RIC8B: variants seen among roughly 807,000 people sequenced by gnomAD.
RIC8B encodes the protein RIC8 guanine nucleotide exchange factor B.
In RIC8B, 16 loss-of-function variants were observed where a neutral mutation model predicts 57.5. The observed-to-expected ratio is 0.28, with a 90% CI of 0.19 to 0.42. The LOEUF (loss-of-function observed/expected upper bound fraction) is 0.42. Ranked by LOEUF, RIC8B falls within the 10% of genes least tolerant of loss-of-function variation. The pLI, the probability that RIC8B is intolerant of heterozygous loss-of-function variation, is 1.00. For synonymous variants in RIC8B, 216 were observed against 250.8 expected (o/e 0.86, Z 1.31); for missense variants, 481 against 677.0 (o/e 0.71, Z 3.21).
intron 9 of RIC8B, among the ~76,000 whole-genome samples, chr12:106,874,153 T>C (rs982276619): frequency 6.6e-6 from 1 of 152,214 alleles, no homozygotes. Context: ...GACTAGACCT[T>C]CATTTTCCAG....
rs527411093 is a variant in RIC8B, at chr12:106,802,657, A to G, written c.133-12039A>G. Among the ~76,000 whole-genome samples the G allele has an allele frequency of 2.7e-5, 4 of 150,294 alleles. No individual in the cohort carries two copies. The South Asian group carries it at 8.4e-4, about 32-fold the overall frequency. ...CTTCACTGGCCTGGTTTAGCCCAGAATTTCTTTTAATGTTAAGAACACTCA... is the reference window on the plus strand; with the variant it reads ...CTTCACTGGCCTGGTTTAGCCCAGAGTTTCTTTTAATGTTAAGAACACTCA... On this transcript the variant is annotated intron_variant, in intron 2 of 9. Coordinates refer to ENST00000392837, the MANE Select transcript of RIC8B (RefSeq NM_001330145.2).
intron 6 of RIC8B, among the ~76,000 whole-genome samples, chr12:106,845,428 C>T (rs927292508): frequency 4.6e-5 from 7 of 152,064 alleles, no homozygotes; most frequent in Non-Finnish European, 4.4e-5. Context: ...TTTATCTTTC[C>T]ACCATTGCAT....
chr12:106,812,784 A>G (rs1400374289), intron 2 of RIC8B, among the ~76,000 whole-genome samples: 2 of 152,196 alleles, frequency 1.3e-5, no homozygotes, highest in African/African-American at 2.4e-5. Flanking sequence ...ACTTTCCACT[A>G]TCCCCAAACT....
intron 2 of RIC8B, 87 bp from the exon 3 acceptor site, chr12:106,814,609 G>T: frequency 7.5e-7 from 1 of 1,337,692 alleles, no homozygotes; most frequent in Non-Finnish European, 1.0e-6. Flanking sequence ...ATTTTTAACT[G>T]TTGTTAAGTA....
intron 8 of RIC8B, among the ~76,000 whole-genome samples, chr12:106,868,700 C>T (rs1451212055): frequency 6.6e-6 from 1 of 151,254 alleles, no homozygotes; most frequent in Non-Finnish European, 1.5e-5. Context: ...GCCTTTTTCT[C>T]TTCTTTTAGG....
At chr12:106,781,490 A>G (rs1272101698) in intron 1 of RIC8B, among the ~76,000 whole-genome samples, 2 of 152,218 alleles carry the variant, frequency 1.3e-5, no homozygotes, top group South Asian at 2.1e-4. Flanking sequence ...GCCAACATCT[A>G]TTGGATCCAA....
intron 4 of RIC8B, among the ~76,000 whole-genome samples, chr12:106,828,821 GT>G (rs1454385863): frequency 6.6e-6 from 1 of 152,128 alleles, no homozygotes; most frequent in Admixed American, 6.5e-5. Flanking sequence ...TTGATACGCT[GT>G]TTAGGAACTT....
intron 7 of RIC8B, among the ~76,000 whole-genome samples, chr12:106,857,684 A>G (rs1246706441): frequency 3.4e-4 from 51 of 152,174 alleles, no homozygotes; most frequent in Admixed American, 3.3e-3. Context: ...TTGCACTAGC[A>G]GCTCACCTTA....
At chr12:106,828,753 A>G (rs1227972735) in intron 4 of RIC8B, among the ~76,000 whole-genome samples, 5 of 152,216 alleles carry the variant, frequency 3.3e-5, no homozygotes, top group African/African-American at 1.2e-4. Flanking sequence ...TGATAAACAT[A>G]CTGGATTTTA....
chr12:106,866,533 C>G (rs1046666255), intron 8 of RIC8B, among the ~76,000 whole-genome samples: 1 of 152,132 alleles, frequency 6.6e-6, no homozygotes, highest in Admixed American at 6.6e-5. Flanking sequence ...CCCCTTCTTT[C>G]CTGGTCTTGG....
intron 3 of RIC8B, among the ~76,000 whole-genome samples, chr12:106,816,081 CT>C (rs2045562529): frequency 6.6e-6 from 1 of 152,118 alleles, no homozygotes; most frequent in Admixed American, 6.5e-5. Flanking sequence ...TAGACATAAG[CT>C]TTTTTCCCTC....
intron 2 of RIC8B, among the ~76,000 whole-genome samples, chr12:106,808,926 C>A (rs2045194569): frequency 6.6e-6 from 1 of 151,958 alleles, no homozygotes; most frequent in South Asian, 2.1e-4. Flanking sequence ...TGCTTCATAG[C>A]CTATTTTGTT....
At chr12:106,784,133 G>T in intron 2 of RIC8B, 89 bp downstream of exon 2, 1 of 1,198,124 alleles carries the variant, frequency 8.3e-7, no homozygotes, top group Admixed American at 2.0e-5. Flanking sequence ...TTCATCTGAT[G>T]GTTATTGATT....
intron 2 of RIC8B, among the ~76,000 whole-genome samples, chr12:106,789,787 G>T (rs895230573): frequency 3.3e-5 from 5 of 152,074 alleles, no homozygotes; most frequent in Non-Finnish European, 7.4e-5. Context: ...TGTGTTTTTG[G>T]AGCTCTATGC....
At chr12:106,860,139 T>C (rs1949867419) in intron 7 of RIC8B, 129 bp from the exon 8 acceptor site, 1 of 810,138 alleles carries the variant, frequency 1.2e-6, no homozygotes, top group Non-Finnish European at 1.8e-6. Context: ...CTACCACATT[T>C]TGAAATTCTC....
chr12:106,833,372 T>C (rs1164971545), intron 4 of RIC8B, among the ~76,000 whole-genome samples: 2 of 152,016 alleles, frequency 1.3e-5, no homozygotes, highest in Non-Finnish European at 2.9e-5. Flanking sequence ...GAGGCTGAGG[T>C]GGGCAGATCA....
At chr12:106,835,627 G>A (rs902772955) in intron 4 of RIC8B, among the ~76,000 whole-genome samples, 11 of 152,296 alleles carry the variant, frequency 7.2e-5, no homozygotes, top group Admixed American at 5.9e-4. Context: ...ATGTTATGCT[G>A]CCTTCCCTTA....
intron 2 of RIC8B, among the ~76,000 whole-genome samples, chr12:106,794,846 T>A (rs1203807393): frequency 2.0e-5 from 3 of 152,226 alleles, no homozygotes; most frequent in Non-Finnish European, 4.4e-5. Flanking sequence ...AAAGAGTACC[T>A]GTAAAGCTAA....
intron 2 of RIC8B, among the ~76,000 whole-genome samples, chr12:106,814,143 T>G (rs2136283893): frequency 6.6e-6 from 1 of 152,288 alleles, no homozygotes; most frequent in South Asian, 2.1e-4. Context: ...GGGAACTTTT[T>G]TCTGTAGTTT....
Sources: allele counts gnomAD v4.1 joint callset (sites outside exome capture counted in the v4.1 genomes callset), GRCh38; gene constraint gnomAD v4.1.1; transcripts MANE v1.5; gene names NCBI Gene and HGNC (gene_info 2026-07-23, HGNC 2026-07-21).